Variants in VWA3A observed in about 807,000 individuals in gnomAD.
VWA3A encodes von Willebrand factor A domain containing 3A, also known as von Willebrand factor A domain-containing protein 3A.
A neutral mutation model predicts 160.4 loss-of-function variants in VWA3A; 134 were observed. The ratio of observed to expected loss-of-function variants is 0.84; its 90% confidence interval spans 0.73 to 0.96. VWA3A has a LOEUF of 0.96. Ranked by LOEUF, VWA3A falls within the 40% of genes least tolerant of loss-of-function variation. VWA3A has a pLI of 0.00. For synonymous variants in VWA3A, 476 were observed against 543.4 expected (o/e 0.88, Z 1.72); for missense variants, 1,310 against 1,447.9 (o/e 0.90, Z 1.55).
At chr16:22,107,810 G>C (rs576743211) in intron 6 of VWA3A, among the ~76,000 whole-genome samples, 2 of 152,242 alleles carry the variant, frequency 1.3e-5, no homozygotes, top group African/African-American at 4.8e-5. Context: ...TGGTGATGCT[G>C]TCAGCCCATG....
At chr16:22,101,373 T>C (rs2045405813) in intron 5 of VWA3A, among the ~76,000 whole-genome samples, 1 of 152,210 alleles carries the variant, frequency 6.6e-6, no homozygotes, top group African/African-American at 2.4e-5. Flanking sequence ...ACTTTGCAAA[T>C]ATATGCCAAA....
At chr16:22,115,326 G>T (rs184869112) in intron 8 of VWA3A, 21 bp from the exon 9 acceptor site, 6 of 1,567,874 alleles carry the variant, frequency 3.8e-6, no homozygotes, top group Non-Finnish European at 5.2e-6. Context: ...TAATTAGGTT[G>T]CTGTTGTTGT....
At chr16:22,139,198 C>T (rs1188262757) in intron 22 of VWA3A, among the ~76,000 whole-genome samples, 2 of 152,158 alleles carry the variant, frequency 1.3e-5, no homozygotes, top group Non-Finnish European at 2.9e-5. Context: ...CCTGTGCAGC[C>T]GGGTTCTGCC....
At chr16:22,103,662 T>A in intron 6 of VWA3A, 133 bp downstream of exon 6, 1 of 1,036,452 alleles carries the variant, frequency 9.6e-7, no homozygotes. Flanking sequence ...CTAACCTAAG[T>A]AAATGAAAAC....
intron 23 of VWA3A, 69 bp from the exon 24 acceptor site, chr16:22,141,513 G>A (rs2046148865): frequency 6.8e-7 from 1 of 1,460,910 alleles, no homozygotes; most frequent in African/African-American, 1.4e-5. Context: ...GTGTCTCTAA[G>A]CCAAGCTGGA....
chr16:22,121,791 T>C (rs1412616127), intron 14 of VWA3A, among the ~76,000 whole-genome samples, 174 bp downstream of exon 14: 1 of 152,004 alleles, frequency 6.6e-6, no homozygotes, highest in Non-Finnish European at 1.5e-5. Context: ...GATCTGAAAA[T>C]TGAACTTGGG....
chr16:22,131,128 G>T, intron 17 of VWA3A, 77 bp from the exon 18 acceptor site: 2 of 1,365,836 alleles, frequency 1.5e-6, no homozygotes, highest in Non-Finnish European at 2.1e-6. Context: ...CCCACTAAAA[G>T]CCTGCAAAGC....
At chr16:22,129,346 G>A (rs1205891710) in intron 17 of VWA3A, among the ~76,000 whole-genome samples, 26 of 141,758 alleles carry the variant, frequency 1.8e-4, no homozygotes, top group East Asian at 8.4e-4. Context: ...CCGAGATTGC[G>A]CCACTGCACT....
chr16:22,121,307 G>A (rs2045730274), intron 13 of VWA3A, among the ~76,000 whole-genome samples: 1 of 152,106 alleles, frequency 6.6e-6, no homozygotes, highest in Non-Finnish European at 1.5e-5. Context: ...GCTGGGTGTG[G>A]TGGCATGCAC....
In VWA3A at chr16:22,100,261, G is replaced by A. The variant is rs2045387746; in HGVS notation, c.293G>A (p.Ser98Asn). 6.4e-7 allele frequency: 1 copy of A among 1,551,308 alleles called. No homozygotes were observed. Among genetic ancestry groups the A allele is most frequent in the Non-Finnish European group, 8.7e-7 (1 of 1,146,984 alleles). ...EDSEDWLSAH[S>N]LKCQKLTLAD... ...TCTGAAGACTGGCTTTCGGCTCACA[G>A]TTTAAAATGTCAGAAACTCACCTTG... The change falls in exon 4 of 34, where the codon AGT becomes AAT. Residue 98 changes from serine (S) to asparagine (N), a missense_variant. By Grantham distance (46) the Ser-to-Asn change is conservative (BLOSUM62 1). Coordinates refer to ENST00000389398, the MANE Select transcript of VWA3A (RefSeq NM_173615.5).
At chr16:22,103,370 T>TAA (rs879745670) in intron 5 of VWA3A, 105 bp from the exon 6 acceptor site, 751 of 880,580 alleles carry the variant, frequency 8.5e-4, no homozygotes, top group South Asian at 1.3e-3. Flanking sequence ...CTATGCACAT[T>TAA]AAAAAAAAAA....
chr16:22,155,427 GAT>G, intron 31 of VWA3A, 138 bp from the exon 32 acceptor site: 2 of 714,754 alleles, frequency 2.8e-6, no homozygotes, highest in Non-Finnish European at 4.9e-6. Flanking sequence ...TGACCCTGGA[GAT>G]ATACAAGCAG....
rs560584710 is a variant in VWA3A, at chr16:22,104,822, G to A, written c.483+1293G>A. The stretch of plus-strand genomic sequence containing the variant: ...TCAACTGGCACTTTTCTGGCTTCCC[G>A]TTTGCTTCCACCTTAGGCACAATCT... On this transcript the variant is annotated intron_variant, in intron 6 of 33. Transcript: ENST00000389398. Among the ~76,000 whole-genome samples, 12 of 152,108 alleles carry A rather than the reference G, an allele frequency of 7.9e-5. No homozygotes were observed. In the South Asian group the frequency reaches 1.7e-3, roughly 21 times the overall value.
rs1249423602 is a variant in VWA3A at position 22,126,219 on chromosome 16, A to G, written c.1574A>G (p.Tyr525Cys). ...LLDISATNSM[Y>C]IIHIQHSLRL... ...GATATCTCTGCGACCAATTCCATGT[A>G]CATTATTCATATCCAGCACTCCCTG... The change falls in exon 17 of 34, where the codon TAC becomes TGC. Residue 525 changes from tyrosine to cysteine, a missense_variant. By Grantham distance (194) the Tyr-to-Cys change is radical. Transcript: ENST00000389398. 6.2e-7 allele frequency: 1 copy of G among 1,613,846 alleles called. No homozygotes were observed. Among genetic ancestry groups the G allele is most frequent in the African/African-American group, 1.3e-5 (1 of 74,922 alleles).
chr16:22,133,582 G>A (rs961894132), intron 20 of VWA3A, among the ~76,000 whole-genome samples: 5 of 150,908 alleles, frequency 3.3e-5, no homozygotes, highest in Admixed American at 2.0e-4. Flanking sequence ...CCCAGGAAGC[G>A]GAGGTTGCAG....
Position 22,121,588 on chromosome 16 carries a change from C to T in VWA3A, c.1327C>T (p.Gln443Ter). ...TGTGGAGGAATTTGTACCTATTCTC[C>T]AGAAAACAGTATCATCGACCATCCA... ...SPVEEFVPIL[Q>*]KTVSSTIHEK... is the part of the protein sequence containing the mutation. Residue 443 changes from glutamine (Q) to a stop codon, truncating the protein, a stop_gained, in exon 14 of 34, where the codon CAG (glutamine) becomes TAG (stop). Transcript: ENST00000389398. LOFTEE classifies it high-confidence loss of function. The T allele has an allele frequency of 1.2e-6, 2 of 1,613,336 alleles. No homozygotes were observed. The highest frequency in any genetic ancestry group is 1.1e-5 in the South Asian group (1 of 91,064).
intron 28 of VWA3A, among the ~76,000 whole-genome samples, chr16:22,148,953 G>T (rs2046301858): frequency 6.6e-6 from 1 of 152,122 alleles, no homozygotes; most frequent in Admixed American, 6.5e-5. Context: ...GGAGGAAGTT[G>T]TTTATTTTCC....
intron 19 of VWA3A, 126 bp from the exon 20 acceptor site, chr16:22,132,774 T>G (rs1354656631): frequency 1.1e-6 from 1 of 873,832 alleles, no homozygotes; most frequent in Non-Finnish European, 1.7e-6. Context: ...CTTTCCATCC[T>G]TGTGCCAAGG....
At chr16:22,114,371 T>C (rs2045600782) in intron 8 of VWA3A, among the ~76,000 whole-genome samples, 1 of 152,220 alleles carries the variant, frequency 6.6e-6, no homozygotes, top group African/African-American at 2.4e-5. Context: ...TAAAGCTTTC[T>C]CTTAGAGCCT....
Sources: gnomAD v4.1 joint callset for allele counts (sites outside exome capture counted in the v4.1 genomes callset) on GRCh38, gnomAD v4.1.1 for gene constraint, MANE v1.5 for transcripts, NCBI Gene and HGNC (gene_info 2026-07-23, HGNC 2026-07-21) for gene names.